The following HPGDS variants were observed in gnomAD, a reference collection of about 807,000 sequenced individuals.
HPGDS encodes the protein GST class-sigma.
A neutral mutation model predicts 23.1 loss-of-function variants in HPGDS; 26 were observed. That is an observed-to-expected ratio of 1.13 (90% CI 0.83 to 1.56). The LOEUF (loss-of-function observed/expected upper bound fraction) is 1.56. Among genes scored for constraint, HPGDS ranks in the 40% most tolerant of loss-of-function variants. The pLI is 0.00. For missense variants in HPGDS, 268 were observed against 236.4 expected (o/e 1.13, Z -0.88); for synonymous variants, 95 against 77.9 (o/e 1.22, Z -1.16).
intron 4 of HPGDS, chr4:94,303,908 T>C (rs1756093332): frequency 6.6e-6 from 1 of 152,150 alleles, no homozygotes; most frequent in Non-Finnish European, 1.5e-5. Flanking sequence ...GTAAGTTTGG[T>C]GAATTATTTC....
rs1436269334 is a variant in HPGDS at position 94,310,888 on chromosome 4, C to A, written c.227-2145G>T. The stretch of plus-strand genomic sequence containing the variant: ...GTTGGATTCCTAGGTATTTTATTCT[C>A]TTTGAAGCAATTGTGAATGGGAGTT... On this transcript the variant is annotated intron_variant, in intron 3 of 5. Coordinates refer to ENST00000295256, the MANE Select transcript of HPGDS (RefSeq NM_014485.3). Among the ~76,000 whole-genome samples, 8 of 152,260 alleles carry A rather than the reference C, an allele frequency of 5.3e-5. No homozygotes were observed. In the East Asian group the frequency reaches 1.5e-3, roughly 29 times the overall value.
rs1755988440 is a variant in HPGDS at position 94,299,485 on chromosome 4, G to A, written c.595C>T (p.Leu199Phe). ...NWIKRRPQTKL is the reference protein window; with the variant it reads ...NWIKRRPQTKF ...TTGAAGGCAACATGGATCAGCTAGA[G>A]TTTGGTTTGGGGCCTTCGTTTTATC... The change falls in exon 6 of 6, where the codon CTC (leucine) becomes TTC (phenylalanine). Residue 199 changes from leucine (L) to phenylalanine (F), a missense_variant. By Grantham distance (22) the Leu-to-Phe change is conservative. Coordinates refer to ENST00000295256, the MANE Select transcript of HPGDS (RefSeq NM_014485.3). The A allele has an allele frequency of 3.1e-6, 5 of 1,609,552 alleles. No individual in the cohort carries two copies. Among genetic ancestry groups the A allele is most frequent in the East Asian group, 2.2e-5 (1 of 44,770 alleles).
intron 1 of HPGDS, among the ~76,000 whole-genome samples, chr4:94,335,821 C>T (rs1432726041): frequency 6.6e-6 from 1 of 152,070 alleles, no homozygotes; most frequent in East Asian, 1.9e-4. Flanking sequence ...AGTTTATTCA[C>T]TACTAAGAAA....
intron 2 of HPGDS, among the ~76,000 whole-genome samples, chr4:94,319,759 T>G (rs115167466): frequency 6.6e-6 from 1 of 152,042 alleles, no homozygotes; most frequent in African/African-American, 2.4e-5. Context: ...AAAGACTATT[T>G]CTCCCTCATT....
chr4:94,312,704 C>A (rs1243262083), intron 3 of HPGDS, among the ~76,000 whole-genome samples: 7 of 152,100 alleles, frequency 4.6e-5, no homozygotes, highest in Non-Finnish European at 1.0e-4. Context: ...TGTTAACTTT[C>A]TGTCTCATTG....
intron 1 of HPGDS, among the ~76,000 whole-genome samples, chr4:94,339,532 T>G (rs905412658): frequency 6.6e-6 from 1 of 152,310 alleles, no homozygotes; most frequent in South Asian, 2.1e-4. Context: ...ATACCCTGGA[T>G]AAAAACTTAG....
chr4:94,333,883 A>G (rs78229093), intron 2 of HPGDS, among the ~76,000 whole-genome samples: 230 of 152,366 alleles, frequency 1.5e-3, no homozygotes, highest in African/African-American at 5.2e-3. Flanking sequence ...TGTAAATTCC[A>G]ATATCGGAAG....
intron 3 of HPGDS, among the ~76,000 whole-genome samples, chr4:94,309,731 T>A (rs1325305176): frequency 1.3e-5 from 2 of 151,806 alleles, no homozygotes; most frequent in African/African-American, 2.4e-5. Flanking sequence ...GTTGAACTAG[T>A]TTACAGTCCC....
intron 3 of HPGDS, among the ~76,000 whole-genome samples, chr4:94,314,643 T>A (rs114255749): frequency 0.025 from 3,768 of 152,214 alleles, 102 homozygotes; most frequent in African/African-American, 0.075. Flanking sequence ...GCATGCTGGG[T>A]AAACCACTAT....
At chr4:94,315,232 C>T (rs757780460) in intron 3 of HPGDS, among the ~76,000 whole-genome samples, 6 of 152,206 alleles carry the variant, frequency 3.9e-5, no homozygotes, top group Non-Finnish European at 8.8e-5. Flanking sequence ...CTGCATCGCT[C>T]ACGCTTCGAG....
intron 2 of HPGDS, among the ~76,000 whole-genome samples, chr4:94,318,454 T>C (rs1756439112): frequency 6.6e-6 from 1 of 152,154 alleles, no homozygotes; most frequent in Non-Finnish European, 1.5e-5. Flanking sequence ...TCAAGAAATT[T>C]TTTATTTCTT....
chr4:94,302,720 T>C (rs1466946155), intron 4 of HPGDS, among the ~76,000 whole-genome samples: 3 of 152,148 alleles, frequency 2.0e-5, no homozygotes, highest in Non-Finnish European at 4.4e-5. Flanking sequence ...TGAATCATGA[T>C]CTTGGGCCTT....
At chr4:94,340,067 TCA>T (rs955045550) in intron 1 of HPGDS, among the ~76,000 whole-genome samples, 45 of 152,148 alleles carry the variant, frequency 3.0e-4, no homozygotes, top group Admixed American at 2.0e-3. Flanking sequence ...TTATCCTGCC[TCA>T]GTCTCCCAAG....
chr4:94,322,992 G>C (rs11934644), intron 2 of HPGDS, among the ~76,000 whole-genome samples: 3,762 of 152,142 alleles, frequency 0.025, 100 homozygotes, highest in African/African-American at 0.074. Flanking sequence ...CAAAGAATAT[G>C]TTTATTTCTG....
Position 94,327,592 on chromosome 4 carries a change from G to T in HPGDS, c.133+6905C>A, listed in dbSNP as rs10461126. 5.9e-5 allele frequency among the ~76,000 whole-genome samples: 9 copies of T among 152,292 alleles called. No homozygotes were observed. The East Asian group carries it at 1.7e-3, about 29-fold the overall frequency. On this transcript the variant is annotated intron_variant, in intron 2 of 5. Transcript: ENST00000295256. The stretch of plus-strand genomic sequence containing the variant: ...CCCGGGCTTCATAAAGGTGCATGAA[G>T]GTACATTGTGGCCCTGATACTAGAG...
At chr4:94,325,984 T>G (rs1756624427) in intron 2 of HPGDS, among the ~76,000 whole-genome samples, 1 of 152,112 alleles carries the variant, frequency 6.6e-6, no homozygotes, top group Admixed American at 6.5e-5. Flanking sequence ...ACAGGTTTTT[T>G]TTTTTTTTCA....
At chr4:94,338,260 CA>C (rs921245450) in intron 1 of HPGDS, among the ~76,000 whole-genome samples, 2 of 151,920 alleles carry the variant, frequency 1.3e-5, no homozygotes, top group Non-Finnish European at 2.9e-5. Flanking sequence ...CCCGTCTCTA[CA>C]AAAAAATATA....
At chr4:94,320,153 G>A (rs1328910626) in intron 2 of HPGDS, among the ~76,000 whole-genome samples, 2 of 152,036 alleles carry the variant, frequency 1.3e-5, no homozygotes, top group Non-Finnish European at 2.9e-5. Context: ...TCTTAATCCT[G>A]TCTAACACTG....
At chr4:94,320,588 C>A (rs191933660) in intron 2 of HPGDS, among the ~76,000 whole-genome samples, 1 of 152,032 alleles carries the variant, frequency 6.6e-6, no homozygotes, top group Non-Finnish European at 1.5e-5. Flanking sequence ...TCATATCCTT[C>A]GCCCACTTTT....
Sources: gnomAD v4.1 joint callset for allele counts (sites outside exome capture counted in the v4.1 genomes callset) on GRCh38, gnomAD v4.1.1 for gene constraint, MANE v1.5 for transcripts, NCBI Gene and HGNC (gene_info 2026-07-23, HGNC 2026-07-21) for gene names.